Variants in SHROOM3 observed in about 807,000 individuals in gnomAD.
SHROOM3 encodes protein Shroom3.
SHROOM3 carries 47 observed loss-of-function variants against 138.6 expected under a neutral mutation model. The observed-to-expected ratio is 0.34, with a 90% CI of 0.27 to 0.43. The LOEUF (loss-of-function observed/expected upper bound fraction) is 0.43. Among genes scored for constraint, SHROOM3 ranks in the 20% least tolerant of loss-of-function variants. SHROOM3 has a pLI of 1.00. For missense variants in SHROOM3, 2,491 were observed against 2,596.5 expected, an observed-to-expected ratio of 0.96 and a Z score of 0.88; for synonymous variants, 1,062 against 1,063.3, an observed-to-expected ratio of 1.00 and a Z score of 0.02.
chr4:76,644,977 A>G (rs1399227981), intron 2 of SHROOM3, among the ~76,000 whole-genome samples: 2 of 152,242 alleles, frequency 1.3e-5, no homozygotes, highest in African/African-American at 2.4e-5. Flanking sequence ...TCCTAGCTCC[A>G]TTGTACAGAT....
intron 3 of SHROOM3, chr4:76,716,455 G>C (rs1399432413): frequency 1.4e-5 from 7 of 518,032 alleles, no homozygotes; most frequent in Non-Finnish European, 1.9e-5. Flanking sequence ...ATCTTTCATT[G>C]CAGGATCCTC....
At chr4:76,567,616 C>T (rs1172494586) in intron 2 of SHROOM3, among the ~76,000 whole-genome samples, 1 of 152,144 alleles carries the variant, frequency 6.6e-6, no homozygotes, top group East Asian at 1.9e-4. Context: ...TGCCACTGCA[C>T]TCCAGCCTGG....
chr4:76,590,536 A>G (rs945259424), intron 2 of SHROOM3, among the ~76,000 whole-genome samples: 2 of 149,648 alleles, frequency 1.3e-5, no homozygotes, highest in Admixed American at 6.6e-5. Flanking sequence ...AATTAAAATT[A>G]ACTCACACAA....
At chr4:76,666,762 T>A (rs1718704838) in intron 2 of SHROOM3, among the ~76,000 whole-genome samples, 1 of 152,164 alleles carries the variant, frequency 6.6e-6, no homozygotes, top group African/African-American at 2.4e-5. Context: ...GACTCAGAGC[T>A]ATCTGCATAC....
intron 2 of SHROOM3, among the ~76,000 whole-genome samples, chr4:76,667,251 C>T (rs1208155720): frequency 6.6e-6 from 1 of 152,074 alleles, no homozygotes; most frequent in Non-Finnish European, 1.5e-5. Context: ...ATACTTAATG[C>T]CCCTGGACTG....
chr4:76,627,931 T>A (rs1310160236), intron 2 of SHROOM3, among the ~76,000 whole-genome samples: 1 of 152,206 alleles, frequency 6.6e-6, no homozygotes, highest in Non-Finnish European at 1.5e-5. Context: ...TAGCCCCAAG[T>A]TAGTTCCTAT....
intron 2 of SHROOM3, among the ~76,000 whole-genome samples, chr4:76,561,843 C>T (rs1345368856): frequency 9.2e-5 from 14 of 151,970 alleles, no homozygotes; most frequent in African/African-American, 3.1e-4. Flanking sequence ...AACCCCGTTT[C>T]TATTAAAAAT....
chr4:76,609,930 G>T (rs959752860), intron 2 of SHROOM3, among the ~76,000 whole-genome samples: 3 of 152,154 alleles, frequency 2.0e-5, no homozygotes, highest in Non-Finnish European at 2.9e-5. Context: ...TCAGGAAGCT[G>T]TTGCTACCTG....
At position 76,686,063 on chromosome 4, in the gene SHROOM3, A is replaced by G. The variant is rs1031932789; in HGVS notation, c.324-24093A>G. ...TGCTCTGTTGCTCACACTGGAGTGC[A>G]GTGACACAACCCTAGCTCACTGCAG... On this transcript the variant is annotated intron_variant, in intron 2 of 10. Coordinates refer to ENST00000296043, the MANE Select transcript of SHROOM3 (RefSeq NM_020859.4). Among the ~76,000 whole-genome samples the G allele has an allele frequency of 5.3e-5, 8 of 152,256 alleles. 1 individual carries two copies. The highest frequency in any genetic ancestry group is 6.5e-5 in the Admixed American group (1 of 15,296).
At chr4:76,744,140 A>C (rs1483742592) in intron 5 of SHROOM3, among the ~76,000 whole-genome samples, 1 of 152,224 alleles carries the variant, frequency 6.6e-6, no homozygotes, top group Admixed American at 6.5e-5. Flanking sequence ...GGAGAAGTGA[A>C]GAGATTCCTC....
In SHROOM3 at chr4:76,457,267, C is replaced by G. The variant is rs188484873; in HGVS notation, c.168+21047C>G. The stretch of plus-strand genomic sequence containing the variant: ...TTAGCACCATTACCTTGGTGCTGTT[C>G]TCATGATAGCGAGTGAGTGAGCTCT... On this transcript the variant is annotated intron_variant, in intron 1 of 10. Coordinates refer to ENST00000296043, the MANE Select transcript of SHROOM3 (RefSeq NM_020859.4). Among the ~76,000 whole-genome samples, 468 of 152,206 alleles carry G rather than the reference C, an allele frequency of 3.1e-3. 2 individuals carry two copies. The highest frequency in any genetic ancestry group is 0.011 in the African/African-American group (456 of 41,538).
At chr4:76,700,843 T>G (rs554083465) in intron 2 of SHROOM3, among the ~76,000 whole-genome samples, 1 of 152,192 alleles carries the variant, frequency 6.6e-6, no homozygotes, top group East Asian at 1.9e-4. Flanking sequence ...TGCAGTGGCA[T>G]GATCTCAGCT....
At chr4:76,520,189 A>C (rs1430147631) in intron 1 of SHROOM3, among the ~76,000 whole-genome samples, 2 of 152,106 alleles carry the variant, frequency 1.3e-5, no homozygotes, top group Admixed American at 6.5e-5. Context: ...GAATTCCTAT[A>C]ATTTATACTC....
At chr4:76,670,277 T>C (rs945281525) in intron 2 of SHROOM3, among the ~76,000 whole-genome samples, 5 of 152,246 alleles carry the variant, frequency 3.3e-5, no homozygotes, top group Non-Finnish European at 7.3e-5. Flanking sequence ...AATTAACTAT[T>C]GAAACATGCT....
rs144166099 is a variant in SHROOM3, at chr4:76,554,037, A to G, written c.169-1572A>G. 4.8e-3 allele frequency among the ~76,000 whole-genome samples: 730 copies of G among 152,298 alleles called. 3 individuals are homozygous for G. The highest frequency in any genetic ancestry group is 8.6e-3 in the Non-Finnish European group (588 of 68,034). On this transcript the variant is annotated intron_variant, in intron 1 of 10. Transcript: ENST00000296043. ...ATTCTATGGGTTTTGACAAATGTAC[A>G]AGGCATGTGTCCACCACTACAATAT...
chr4:76,590,345 G>A (rs1021855255), intron 2 of SHROOM3, among the ~76,000 whole-genome samples: 5 of 152,116 alleles, frequency 3.3e-5, no homozygotes, highest in Non-Finnish European at 7.3e-5. Flanking sequence ...CGGGTGAGCC[G>A]TCTGAAGGTG....
At chr4:76,598,881 A>G (rs1015022443) in intron 2 of SHROOM3, among the ~76,000 whole-genome samples, 3 of 152,172 alleles carry the variant, frequency 2.0e-5, no homozygotes, top group Non-Finnish European at 4.4e-5. Flanking sequence ...TTCTGGCTGC[A>G]TTTTGGGAGG....
intron 1 of SHROOM3, among the ~76,000 whole-genome samples, chr4:76,478,749 G>A (rs1357145764): frequency 6.6e-6 from 1 of 152,158 alleles, no homozygotes; most frequent in East Asian, 1.9e-4. Flanking sequence ...CATCTGACAG[G>A]TGCCCCTCTG....
At chr4:76,569,287 A>G (rs947211054) in intron 2 of SHROOM3, among the ~76,000 whole-genome samples, 2 of 152,208 alleles carry the variant, frequency 1.3e-5, no homozygotes, top group African/African-American at 4.8e-5. Flanking sequence ...TGACTTGCTA[A>G]TAACGATGGA....
Sources: gnomAD v4.1 joint callset for allele counts (sites outside exome capture counted in the v4.1 genomes callset) on GRCh38, gnomAD v4.1.1 for gene constraint, MANE v1.5 for transcripts, NCBI Gene and HGNC (gene_info 2026-07-23, HGNC 2026-07-21) for gene names.